LINGO2: variants seen among roughly 807,000 people sequenced by gnomAD.
The protein encoded by LINGO2 is leucine-rich repeat and immunoglobulin-like domain-containing nogo receptor-interacting protein 2.
In LINGO2, 14 loss-of-function variants were observed where a neutral mutation model predicts 30.6. The ratio of observed to expected loss-of-function variants is 0.46; its 90% confidence interval spans 0.30 to 0.72. The LOEUF is 0.72. LINGO2 is among the 30% of genes least tolerant of loss of function. The pLI, the probability that LINGO2 is intolerant of heterozygous loss-of-function variation, is 0.07. For synonymous variants in LINGO2, 317 were observed against 288.5 expected (o/e 1.10, Z -1.00); for missense variants, 729 against 751.7 (o/e 0.97, Z 0.35).
At chr9:28,763,268 C>T in the LINGO2 span, among the ~76,000 whole-genome samples, 10 of 151,958 alleles carry the variant, frequency 6.6e-5, no homozygotes, top group Non-Finnish European at 1.2e-4. Context: ...AGAATGTTCT[C>T]CAGAATAGAT....
chr9:28,353,525 A>T (rs1820007900), intron 3 of LINGO2, among the ~76,000 whole-genome samples: 1 of 151,862 alleles, frequency 6.6e-6, no homozygotes, highest in Non-Finnish European at 1.5e-5. Context: ...GAGGATGTGG[A>T]GAAATAGGAA....
At chr9:29,197,644 T>C in the LINGO2 span, among the ~76,000 whole-genome samples, 31 of 151,962 alleles carry the variant, frequency 2.0e-4, no homozygotes, top group South Asian at 6.2e-4. Flanking sequence ...ATTTAAACTT[T>C]TATAGTGAAT....
At chr9:29,066,131 G>C in the LINGO2 span, among the ~76,000 whole-genome samples, 35 of 151,656 alleles carry the variant, frequency 2.3e-4, no homozygotes, top group African/African-American at 6.8e-4. Flanking sequence ...GGAGAGTCTC[G>C]CAAGTTATTA....
the LINGO2 span, among the ~76,000 whole-genome samples, chr9:28,984,192 C>G: frequency 6.6e-6 from 1 of 152,132 alleles, no homozygotes; most frequent in African/African-American, 2.4e-5. Flanking sequence ...AATCCGTTCT[C>G]TAGCCCCTGG....
chr9:29,152,042 G>A, the LINGO2 span, among the ~76,000 whole-genome samples: 4 of 151,946 alleles, frequency 2.6e-5, no homozygotes, highest in African/African-American at 9.7e-5. Flanking sequence ...ACATACAAGT[G>A]GCCAACAAAC....
At chr9:28,005,448 C>T (rs534180626) in intron 5 of LINGO2, among the ~76,000 whole-genome samples, 1 of 152,282 alleles carries the variant, frequency 6.6e-6, no homozygotes, top group Admixed American at 6.5e-5. Flanking sequence ...TCCCTTTCCC[C>T]TTCTCTTGCC....
At chr9:28,244,679 A>G (rs2133986938) in intron 4 of LINGO2, among the ~76,000 whole-genome samples, 1 of 152,252 alleles carries the variant, frequency 6.6e-6, no homozygotes, top group Non-Finnish European at 1.5e-5. Context: ...AAACAACCCT[A>G]CACAAATAAC....
At chr9:28,341,346 C>A (rs1014065333) in intron 3 of LINGO2, among the ~76,000 whole-genome samples, 1 of 152,092 alleles carries the variant, frequency 6.6e-6, no homozygotes, top group Non-Finnish European at 1.5e-5. Flanking sequence ...TCATTTTGGT[C>A]ATATGTTATA....
intron 5 of LINGO2, among the ~76,000 whole-genome samples, chr9:27,973,248 T>C (rs1046173649): frequency 1.3e-5 from 2 of 152,186 alleles, no homozygotes; most frequent in African/African-American, 4.8e-5. Context: ...ATAAATGTCA[T>C]TGTTGGCTTA....
At chr9:28,407,355 G>C (rs1822557160) in intron 2 of LINGO2, among the ~76,000 whole-genome samples, 1 of 152,094 alleles carries the variant, frequency 6.6e-6, no homozygotes, top group Admixed American at 6.6e-5. Context: ...TTGTAACTCA[G>C]CAAGGCAGGG....
intron 4 of LINGO2, among the ~76,000 whole-genome samples, chr9:28,103,898 G>A (rs1475745813): frequency 6.6e-6 from 1 of 152,152 alleles, no homozygotes; most frequent in Non-Finnish European, 1.5e-5. Context: ...CAATGAGGAA[G>A]TAGGGTGAAC....
At chr9:28,302,197 G>A (rs1224200521) in intron 3 of LINGO2, among the ~76,000 whole-genome samples, 2 of 152,186 alleles carry the variant, frequency 1.3e-5, no homozygotes, top group East Asian at 1.9e-4. Context: ...TTTTATTGGT[G>A]TAAGGCAGAC....
intron 3 of LINGO2, among the ~76,000 whole-genome samples, chr9:28,308,735 GA>G (rs1268598260): frequency 6.6e-6 from 1 of 151,054 alleles, no homozygotes; most frequent in Middle Eastern, 3.2e-3. Context: ...AAATTTACAA[GA>G]AAAAAACAAA....
chr9:28,657,107 T>A (rs936963949), intron 1 of LINGO2, among the ~76,000 whole-genome samples: 6 of 150,210 alleles, frequency 4.0e-5, no homozygotes, highest in African/African-American at 1.5e-4. Context: ...CACTCCAGAT[T>A]CTTGACCCAC....
intron 1 of LINGO2, among the ~76,000 whole-genome samples, chr9:28,606,732 TC>T (rs2135767403): frequency 6.6e-6 from 1 of 152,186 alleles, no homozygotes; most frequent in East Asian, 1.9e-4. Flanking sequence ...CTAGCTATTG[TC>T]AACATTTCCA....
the LINGO2 span, among the ~76,000 whole-genome samples, chr9:28,916,415 C>T: frequency 6.6e-6 from 1 of 152,302 alleles, no homozygotes; most frequent in East Asian, 1.9e-4. Flanking sequence ...AATCTATTCT[C>T]TCTGAAGCCG....
intron 4 of LINGO2, among the ~76,000 whole-genome samples, chr9:28,058,308 C>T (rs958345188): frequency 6.6e-6 from 1 of 152,084 alleles, no homozygotes; most frequent in African/African-American, 2.4e-5. Flanking sequence ...TATTAATAGG[C>T]CATTTTACAA....
At position 28,049,673 on chromosome 9, in the gene LINGO2, G is replaced by A. The variant is rs1203391606; in HGVS notation, c.-86-37268C>T. The stretch of plus-strand genomic sequence containing the variant: ...TCACAAATTGATATAAGGATGAAAT[G>A]AGACCAAATGTGTAAAGGAGGCATT... On this transcript the variant is annotated intron_variant, in intron 4 of 5. Coordinates refer to ENST00000379992, the Ensembl canonical transcript of LINGO2. Among the ~76,000 whole-genome samples, 2 of 150,622 alleles carry A rather than the reference G, an allele frequency of 1.3e-5. 1 individual carries two copies. The highest frequency in any genetic ancestry group is 3.9e-4 in the East Asian group (2 of 5,070).
intron 4 of LINGO2, among the ~76,000 whole-genome samples, chr9:28,240,439 C>T (rs1309252423): frequency 2.0e-5 from 3 of 151,788 alleles, no homozygotes; most frequent in African/African-American, 7.3e-5. Flanking sequence ...CAAAAATATC[C>T]CGGACACATA....
Sources: gnomAD v4.1 joint callset for allele counts (sites outside exome capture counted in the v4.1 genomes callset) on GRCh38, gnomAD v4.1.1 for gene constraint, MANE v1.5 for transcripts, NCBI Gene and HGNC (gene_info 2026-07-23, HGNC 2026-07-21) for gene names.